Variants in SMYD3 observed in about 807,000 individuals in gnomAD.
SMYD3 encodes the protein SET and MYND domain containing 3.
In SMYD3, 36 loss-of-function variants were observed where a neutral mutation model predicts 57.7. The observed-to-expected ratio is 0.62, with a 90% CI of 0.48 to 0.82. The LOEUF is 0.82. Among genes scored for constraint, SMYD3 ranks in the 40% least tolerant of loss-of-function variants. The pLI is 0.00. For missense variants in SMYD3, 515 were observed against 538.8 expected, an observed-to-expected ratio of 0.96 and a Z score of 0.44; for synonymous variants, 211 against 195.0, an observed-to-expected ratio of 1.08 and a Z score of -0.68.
chr1:246,172,296 A>G (rs979289574), intron 5 of SMYD3, among the ~76,000 whole-genome samples: 2 of 149,324 alleles, frequency 1.3e-5, no homozygotes, highest in Non-Finnish European at 3.0e-5. Context: ...CAGACTATCC[A>G]CACTGTACGC....
At chr1:246,317,821 T>C (rs2065190232) in intron 5 of SMYD3, among the ~76,000 whole-genome samples, 1 of 152,140 alleles carries the variant, frequency 6.6e-6, no homozygotes, top group Non-Finnish European at 1.5e-5. Flanking sequence ...CTTTACACAC[T>C]ACAAATTGTC....
chr1:246,306,880 T>C (rs2148624351), intron 5 of SMYD3, among the ~76,000 whole-genome samples: 1 of 152,238 alleles, frequency 6.6e-6, no homozygotes, highest in East Asian at 1.9e-4. Context: ...CCTGGTGAGA[T>C]ACAGTACTTC....
rs1466763332 is a variant in SMYD3, at chr1:246,335,447, C to A, written c.256G>T (p.Glu86Ter). Residue 86 changes from glutamate (E) to a stop codon, truncating the protein, a stop_gained, in exon 3 of 12, where the codon GAA becomes TAA. Coordinates refer to ENST00000490107, the MANE Select transcript of SMYD3 (RefSeq NM_001167740.2). LOFTEE classifies it high-confidence loss of function. ...TTGCAGCTTTTAAGGCATTTGCATT[C>A]CCGCTTGTGGTCTGGCCAAGCTTTT... ...QKKAWPDHKRECKCLKSCKPR... is the reference protein window; with the variant it reads ...QKKAWPDHKR 1.2e-6 allele frequency: 2 copies of A among 1,614,010 alleles called. No homozygotes were observed. Among genetic ancestry groups the A allele is most frequent in the Non-Finnish European group, 1.7e-6 (2 of 1,180,008 alleles).
intron 1 of SMYD3, among the ~76,000 whole-genome samples, chr1:246,458,883 T>C (rs960710095): frequency 1.1e-4 from 16 of 152,148 alleles, no homozygotes; most frequent in African/African-American, 3.9e-4. Context: ...TTGCAAGTAA[T>C]GATTATAACA....
At chr1:245,778,571 T>C (rs1024737128) in intron 10 of SMYD3, among the ~76,000 whole-genome samples, 3 of 152,204 alleles carry the variant, frequency 2.0e-5, no homozygotes, top group African/African-American at 4.8e-5. Context: ...TTCATGTGTT[T>C]ATCAGCCATT....
intron 5 of SMYD3, among the ~76,000 whole-genome samples, chr1:246,307,649 G>A (rs537936180): frequency 6.6e-6 from 1 of 152,156 alleles, no homozygotes; most frequent in Non-Finnish European, 1.5e-5. Flanking sequence ...TCGATCTCCT[G>A]ACCTCATGAT....
intron 10 of SMYD3, among the ~76,000 whole-genome samples, chr1:245,822,290 C>T (rs1204269003): frequency 1.3e-5 from 2 of 149,932 alleles, no homozygotes; most frequent in Non-Finnish European, 3.0e-5. Context: ...AGTAAACTAT[C>T]GCAAGAACAA....
At chr1:245,981,277 C>T (rs1000088541) in intron 5 of SMYD3, among the ~76,000 whole-genome samples, 13 of 152,188 alleles carry the variant, frequency 8.5e-5, no homozygotes, top group African/African-American at 2.7e-4. Flanking sequence ...ACCAGTGTCC[C>T]GAAGCTCTGC....
intron 5 of SMYD3, among the ~76,000 whole-genome samples, chr1:245,995,692 G>A (rs917325016): frequency 2.0e-5 from 3 of 152,212 alleles, no homozygotes; most frequent in African/African-American, 4.8e-5. Context: ...CAGCCTGCAG[G>A]GCTGACGGAG....
chr1:246,112,398 G>A (rs1446087637), intron 5 of SMYD3, among the ~76,000 whole-genome samples: 4 of 152,110 alleles, frequency 2.6e-5, no homozygotes, highest in African/African-American at 9.7e-5. Context: ...CTTATAAATC[G>A]ATGTTAAAAT....
At chr1:246,022,100 T>C (rs1384635288) in intron 5 of SMYD3, among the ~76,000 whole-genome samples, 1 of 152,182 alleles carries the variant, frequency 6.6e-6, no homozygotes, top group Non-Finnish European at 1.5e-5. Context: ...AAAGTCTAAA[T>C]CAAATGACGA....
intron 1 of SMYD3, among the ~76,000 whole-genome samples, chr1:246,365,593 T>C (rs1318195119): frequency 6.6e-6 from 1 of 151,446 alleles, no homozygotes; most frequent in Non-Finnish European, 1.5e-5. Flanking sequence ...ATGGCAGTGA[T>C]GTAATTTTTT....
At chr1:246,132,923 C>A (rs2061609528) in intron 5 of SMYD3, among the ~76,000 whole-genome samples, 1 of 151,974 alleles carries the variant, frequency 6.6e-6, no homozygotes, top group African/African-American at 2.4e-5. Context: ...ATATTGAAGC[C>A]ATAATGAGGT....
intron 5 of SMYD3, among the ~76,000 whole-genome samples, chr1:245,966,650 T>G (rs371627677): frequency 1.3e-5 from 2 of 152,158 alleles, no homozygotes; most frequent in Admixed American, 1.3e-4. Context: ...ATGGAGAATA[T>G]CAACCAGAGT....
intron 1 of SMYD3, among the ~76,000 whole-genome samples, chr1:246,416,633 T>C (rs553271922): frequency 6.6e-6 from 1 of 152,140 alleles, no homozygotes; most frequent in Admixed American, 6.5e-5. Context: ...CATTTTTGCA[T>C]TGAAAATCAT....
intron 5 of SMYD3, among the ~76,000 whole-genome samples, chr1:246,033,391 C>T (rs944968153): frequency 9.2e-5 from 14 of 152,054 alleles, no homozygotes; most frequent in East Asian, 3.8e-4. Flanking sequence ...GGTTAAAGAG[C>T]GGTTGGGATG....
At chr1:246,387,559 A>G (rs1339965) in intron 1 of SMYD3, among the ~76,000 whole-genome samples, 63,664 of 152,026 alleles carry the variant, frequency 0.42, 13,647 homozygotes, top group Admixed American at 0.51. Flanking sequence ...TTTACAGTCT[A>G]GCATAAGGAC....
chr1:246,392,106 CT>C (rs948429976), intron 1 of SMYD3, among the ~76,000 whole-genome samples: 1 of 151,550 alleles, frequency 6.6e-6, no homozygotes, highest in Non-Finnish European at 1.5e-5. Context: ...GACTTTCATC[CT>C]TTTTTTTTCC....
intron 10 of SMYD3, among the ~76,000 whole-genome samples, chr1:245,787,459 G>C (rs2047093100): frequency 6.6e-6 from 1 of 152,014 alleles, no homozygotes; most frequent in Admixed American, 6.6e-5. Context: ...ATCCCTCTTA[G>C]TTCTGACAAG....
Sources: gnomAD v4.1 joint callset for allele counts (sites outside exome capture counted in the v4.1 genomes callset) on GRCh38, gnomAD v4.1.1 for gene constraint, MANE v1.5 for transcripts, NCBI Gene and HGNC (gene_info 2026-07-23, HGNC 2026-07-21) for gene names.